ADGRD1: variants seen among roughly 807,000 people sequenced by gnomAD.
ADGRD1 encodes the protein adhesion G protein-coupled receptor D1, also known as G-protein coupled receptor 133.
A neutral mutation model predicts 113.4 loss-of-function variants in ADGRD1; 77 were observed. The ratio of observed to expected loss-of-function variants is 0.68; its 90% confidence interval spans 0.57 to 0.82. ADGRD1 has a LOEUF of 0.82. Ranked by LOEUF, ADGRD1 falls within the 40% of genes least tolerant of loss-of-function variation. The pLI is 0.00. For missense variants in ADGRD1, 1,036 were observed against 1,139.1 expected (o/e 0.91, Z 1.30); for synonymous variants, 474 against 475.0 (o/e 1.00, Z 0.03).
In ADGRD1 at chr12:130,992,669, G is replaced by A. The variant is rs12812845; in HGVS notation, c.966+277G>A. Among the ~76,000 whole-genome samples, 6 of 152,296 alleles carry A rather than the reference G, an allele frequency of 3.9e-5. No individual in the cohort carries two copies. In the South Asian group the frequency reaches 8.3e-4, roughly 21 times the overall value. ...CCCTGTGCAGCCACCTGGCCCCCGCGGGCGTGTGGTTGGCAACTCCTAGAC... is the reference window on the plus strand; with the variant it reads ...CCCTGTGCAGCCACCTGGCCCCCGCAGGCGTGTGGTTGGCAACTCCTAGAC... On this transcript the variant is annotated intron_variant, in intron 8 of 24. Coordinates refer to ENST00000261654, the MANE Select transcript of ADGRD1 (RefSeq NM_198827.5).
intron 2 of ADGRD1, chr12:130,962,912 G>GA (rs1390024528): frequency 6.6e-6 from 1 of 152,190 alleles, no homozygotes; most frequent in Admixed American, 6.5e-5. Context: ...CAAAAATTCA[G>GA]ATATTACATG....
At chr12:130,992,481 T>A in intron 8 of ADGRD1, 89 bp downstream of exon 8, 1 of 1,191,112 alleles carries the variant, frequency 8.4e-7, no homozygotes, top group Non-Finnish European at 1.2e-6. Context: ...AGATCGAGTT[T>A]AAAAAAAGCA....
intron 3 of ADGRD1, chr12:130,969,543 G>T (rs1871376414): frequency 6.3e-6 from 1 of 157,672 alleles, no homozygotes; most frequent in Non-Finnish European, 1.4e-5. Flanking sequence ...AATGCCCGAT[G>T]ATCTGTCACT....
intron 13 of ADGRD1, among the ~76,000 whole-genome samples, chr12:131,031,661 A>C (rs2136930403): frequency 6.6e-6 from 1 of 151,616 alleles, no homozygotes; most frequent in East Asian, 2.0e-4. Flanking sequence ...CCTCTCCACC[A>C]TCCCATTGTA....
At chr12:131,026,998 G>A (rs936429597) in intron 13 of ADGRD1, 4 of 152,292 alleles carry the variant, frequency 2.6e-5, no homozygotes, top group Middle Eastern at 3.4e-3. Flanking sequence ...GAAAGCAGGC[G>A]GGTGGCTTCT....
At chr12:130,964,344 A>G (rs1293941469) in intron 2 of ADGRD1, among the ~76,000 whole-genome samples, 1 of 152,090 alleles carries the variant, frequency 6.6e-6, no homozygotes, top group East Asian at 1.9e-4. Context: ...CATGTGGTGA[A>G]CTGGTTCCAA....
chr12:131,106,415 A>G (rs1950236653), intron 17 of ADGRD1, among the ~76,000 whole-genome samples: 1 of 152,120 alleles, frequency 6.6e-6, no homozygotes, highest in Non-Finnish European at 1.5e-5. Context: ...GAAGTCTTAG[A>G]CCTCACAGAA....
intron 2 of ADGRD1, among the ~76,000 whole-genome samples, chr12:130,960,954 T>C (rs1870277335): frequency 6.6e-6 from 1 of 152,108 alleles, no homozygotes; most frequent in African/African-American, 2.4e-5. Context: ...TTCCAGGCAG[T>C]GGGAACAGCA....
At position 131,000,454 on chromosome 12, in the gene ADGRD1, G is replaced by A; in HGVS notation, c.1026+12G>A. ...TTGCTCTGTCAGAGGTAAGAGAAAA[G>A]AACATGGTCGGTCATGGTGGCTCAT... On this transcript the variant is annotated intron_variant, in intron 9 of 24. Coordinates refer to ENST00000261654, the MANE Select transcript of ADGRD1 (RefSeq NM_198827.5). 1 of 1,608,002 alleles carries A rather than the reference G, an allele frequency of 6.2e-7. No individual in the cohort carries two copies. Among genetic ancestry groups the A allele is most frequent in the Non-Finnish European group, 8.5e-7 (1 of 1,175,764 alleles).
chr12:131,062,749 C>T (rs553332126), intron 13 of ADGRD1, among the ~76,000 whole-genome samples: 1 of 152,100 alleles, frequency 6.6e-6, no homozygotes, highest in South Asian at 2.1e-4. Context: ...TATGCAGTCT[C>T]GGATATGTCT....
intron 13 of ADGRD1, chr12:131,070,848 A>T (rs373441352): frequency 1.9e-6 from 1 of 518,930 alleles, no homozygotes; most frequent in Non-Finnish European, 3.8e-6. Flanking sequence ...TGCCCTGCCC[A>T]TGTGGTCATG....
chr12:131,120,585 G>A (rs1950569851), intron 19 of ADGRD1: 9 of 570,358 alleles, frequency 1.6e-5, no homozygotes, highest in Non-Finnish European at 2.8e-5. Context: ...ATTTCCTAAT[G>A]AAATTGAAAT....
At chr12:131,123,771 G>C (rs547309438) in intron 20 of ADGRD1, among the ~76,000 whole-genome samples, 1 of 151,024 alleles carries the variant, frequency 6.6e-6, no homozygotes, top group South Asian at 2.1e-4. Flanking sequence ...GCAGTGAGCC[G>C]AGATTGCGCC....
intron 18 of ADGRD1, 44 bp downstream of exon 18, chr12:131,108,921 G>A: frequency 8.5e-7 from 1 of 1,174,268 alleles, no homozygotes; most frequent in Non-Finnish European, 1.2e-6. Flanking sequence ...GGGAGGGACA[G>A]GAAGAGACAG....
chr12:131,138,880 C>T (rs989921889), intron 24 of ADGRD1, among the ~76,000 whole-genome samples: 7 of 152,178 alleles, frequency 4.6e-5, no homozygotes, highest in African/African-American at 1.7e-4. Flanking sequence ...GGGGTGAAAG[C>T]GTGGGTGCCG....
chr12:131,016,360 G>C (rs1344860797), intron 13 of ADGRD1, among the ~76,000 whole-genome samples: 1 of 152,266 alleles, frequency 6.6e-6, no homozygotes, highest in Non-Finnish European at 1.5e-5. Context: ...CTGAGTGAGT[G>C]CTGTGCCGGA....
chr12:131,038,913 C>G (rs1409444844), intron 13 of ADGRD1, among the ~76,000 whole-genome samples: 1 of 152,266 alleles, frequency 6.6e-6, no homozygotes. Context: ...CAGGCCGACA[C>G]CTGGGGCAGA....
chr12:131,042,348 C>A (rs905088675), intron 13 of ADGRD1, among the ~76,000 whole-genome samples: 1 of 152,174 alleles, frequency 6.6e-6, no homozygotes, highest in Non-Finnish European at 1.5e-5. Flanking sequence ...GCCTGCCCAG[C>A]GCTACCCCCA....
At chr12:131,037,910 T>TCTCACTGCACCAGGATCTTA (rs1321351233) in intron 13 of ADGRD1, among the ~76,000 whole-genome samples, 2 of 135,530 alleles carry the variant, frequency 1.5e-5, no homozygotes, top group African/African-American at 5.8e-5. Flanking sequence ...CCACACCGGG[T>TCTCACTGCACCAGGATCTTA]CTCACTGCAC....
Sources: gnomAD v4.1 joint callset for allele counts (sites outside exome capture counted in the v4.1 genomes callset) on GRCh38, gnomAD v4.1.1 for gene constraint, MANE v1.5 for transcripts, NCBI Gene and HGNC (gene_info 2026-07-23, HGNC 2026-07-21) for gene names.